The following VPS41 variants were observed in gnomAD, a reference collection of about 807,000 sequenced individuals.
VPS41 encodes the protein vacuolar protein sorting-associated protein 41 homolog.
Under a neutral mutation model 130.9 loss-of-function variants are expected in VPS41, and 85 were observed. The observed-to-expected ratio is 0.65, with a 90% confidence interval of 0.55 to 0.78. The LOEUF (loss-of-function observed/expected upper bound fraction) is 0.78. Ranked by LOEUF, VPS41 falls within the 30% of genes least tolerant of loss-of-function variation. The pLI is 0.00. For missense variants in VPS41, 874 were observed against 1,018.7 expected, an observed-to-expected ratio of 0.86 and a Z score of 1.93; for synonymous variants, 335 against 332.9, an observed-to-expected ratio of 1.01 and a Z score of -0.07.
rs1795494136 is a variant in VPS41, at chr7:38,724,326, T to C, written c.*1920A>G. ...ATTAATGTAAATGTAATAAACTGAA[T>C]CTGTAAATTGGTAATGTTGAAAAGA... On this transcript the variant is annotated 3_prime_UTR_variant, in exon 29 of 29. Coordinates refer to ENST00000310301, the MANE Select transcript of VPS41 (RefSeq NM_014396.4). The C allele has an allele frequency of 6.6e-6, 1 of 152,160 alleles. No individual in the cohort carries two copies. The highest frequency in any genetic ancestry group is 1.5e-5 in the Non-Finnish European group (1 of 68,038). The allele number at this position is 152,160 out of a possible 1,614,324, so 9.4% of individuals were successfully genotyped here.
intron 23 of VPS41, 96 bp from the exon 24 acceptor site, chr7:38,743,638 G>T: frequency 7.1e-7 from 1 of 1,413,716 alleles, no homozygotes. Context: ...TACATAGGTG[G>T]AAAGCTAAGA....
chr7:38,810,899 A>T (rs1032320264), intron 7 of VPS41, among the ~76,000 whole-genome samples: 1 of 152,150 alleles, frequency 6.6e-6, no homozygotes, highest in African/African-American at 2.4e-5. Flanking sequence ...GCTTTTCAAA[A>T]TTGTTCTGCC....
intron 6 of VPS41, among the ~76,000 whole-genome samples, chr7:38,819,115 C>T (rs560413443): frequency 7.2e-5 from 11 of 152,332 alleles, no homozygotes; most frequent in Non-Finnish European, 1.5e-4. Context: ...ATCTCCTCTG[C>T]TCCTCAAACA....
At chr7:38,879,986 G>C (rs2116376252) in intron 2 of VPS41, among the ~76,000 whole-genome samples, 1 of 151,446 alleles carries the variant, frequency 6.6e-6, no homozygotes, top group South Asian at 2.1e-4. Flanking sequence ...TTTTTCTTTT[G>C]CCATTTCTAC....
intron 4 of VPS41, among the ~76,000 whole-genome samples, chr7:38,860,337 T>C (rs1786078657): frequency 6.6e-6 from 1 of 152,156 alleles, no homozygotes; most frequent in Non-Finnish European, 1.5e-5. Context: ...TAGAATAAAG[T>C]ACAAAGATCT....
chr7:38,770,620 C>T (rs1784136381), intron 14 of VPS41, among the ~76,000 whole-genome samples: 2 of 152,138 alleles, frequency 1.3e-5, no homozygotes, highest in Non-Finnish European at 2.9e-5. Flanking sequence ...CAGTTTTCAC[C>T]TGTAAAAAAG....
chr7:38,803,837 T>C (rs548630213), intron 7 of VPS41, among the ~76,000 whole-genome samples: 1 of 152,358 alleles, frequency 6.6e-6, no homozygotes, highest in East Asian at 1.9e-4. Context: ...GTCTTTGTTT[T>C]GCTTCGTGCT....
chr7:38,859,456 C>G (rs1175545910), intron 4 of VPS41, among the ~76,000 whole-genome samples: 1 of 152,076 alleles, frequency 6.6e-6, no homozygotes. Flanking sequence ...TGATAAGTCT[C>G]CTGTACAGAT....
In VPS41 at chr7:38,743,529, A is replaced by C; in HGVS notation, c.1995T>G (p.Asn665Lys). ...ETVYLLSRMG[N>K]SRSALKMIME... ...TAATCATCTTCAGGGCACTTCGGCTATTACCCATTCGGCCTTGGTGGGGTG... is the reference window on the plus strand; with the variant it reads ...TAATCATCTTCAGGGCACTTCGGCTCTTACCCATTCGGCCTTGGTGGGGTG... Residue 665 changes from asparagine to lysine, a missense_variant, in exon 24 of 29, where the codon AAT becomes AAG. Asn to Lys is a moderately conservative substitution (Grantham distance 94). Coordinates refer to ENST00000310301, the MANE Select transcript of VPS41 (RefSeq NM_014396.4). 1 of 1,613,804 alleles carries C rather than the reference A, an allele frequency of 6.2e-7. No individual in the cohort carries two copies. Among genetic ancestry groups the C allele is most frequent in the Non-Finnish European group, 8.5e-7 (1 of 1,179,804 alleles).
At chr7:38,779,182 G>A (rs573341007) in intron 10 of VPS41, among the ~76,000 whole-genome samples, 5 of 152,244 alleles carry the variant, frequency 3.3e-5, no homozygotes, top group South Asian at 2.1e-4. Context: ...ATTTGGACAC[G>A]GACTATATGC....
At chr7:38,818,147 A>T (rs950754705) in intron 6 of VPS41, among the ~76,000 whole-genome samples, 2 of 151,966 alleles carry the variant, frequency 1.3e-5, no homozygotes, top group African/African-American at 2.4e-5. Flanking sequence ...CTATAAGTGG[A>T]TGTCACCTGT....
chr7:38,774,638 AT>A (rs1784222610), intron 11 of VPS41, among the ~76,000 whole-genome samples: 1 of 152,196 alleles, frequency 6.6e-6, no homozygotes, highest in African/African-American at 2.4e-5. Context: ...ATAAAAAAAT[AT>A]TTTGAACAAA....
intron 5 of VPS41, among the ~76,000 whole-genome samples, chr7:38,825,771 T>C (rs1211756552): frequency 6.6e-6 from 1 of 152,202 alleles, no homozygotes; most frequent in East Asian, 1.9e-4. Context: ...AAGTATGTGG[T>C]ACATGTTTTG....
At chr7:38,809,921 TAA>T (rs5883662) in intron 7 of VPS41, among the ~76,000 whole-genome samples, 6 of 148,072 alleles carry the variant, frequency 4.1e-5, no homozygotes, top group African/African-American at 1.2e-4. Context: ...GCTGGACAAT[TAA>T]AAAAAAAAAT....
At chr7:38,846,727 A>G (rs1310115564) in intron 4 of VPS41, among the ~76,000 whole-genome samples, 2 of 152,206 alleles carry the variant, frequency 1.3e-5, no homozygotes, top group African/African-American at 4.8e-5. Flanking sequence ...TTTTACTGCA[A>G]TAACCCAGGT....
chr7:38,764,263 A>C (rs1353077045), intron 16 of VPS41, among the ~76,000 whole-genome samples: 1 of 152,208 alleles, frequency 6.6e-6, no homozygotes, highest in Non-Finnish European at 1.5e-5. Flanking sequence ...TCAGGAAAAA[A>C]TAAGAGAGGG....
intron 1 of VPS41, among the ~76,000 whole-genome samples, chr7:38,901,055 A>C (rs533951673): frequency 1.3e-5 from 2 of 152,208 alleles, no homozygotes; most frequent in African/African-American, 4.8e-5. Flanking sequence ...TCACACTCTC[A>C]TTTAAAGAAT....
intron 8 of VPS41, among the ~76,000 whole-genome samples, chr7:38,796,217 G>C (rs1232247426): frequency 6.6e-6 from 1 of 152,172 alleles, no homozygotes; most frequent in Non-Finnish European, 1.5e-5. Flanking sequence ...CAAAAGATAT[G>C]CCAGATGTCA....
chr7:38,907,974 G>A (rs546054529), intron 1 of VPS41, among the ~76,000 whole-genome samples: 2 of 152,294 alleles, frequency 1.3e-5, no homozygotes, highest in African/African-American at 4.8e-5. Flanking sequence ...TGTTAGATAA[G>A]AGACTTTGTT....
Sources: gnomAD v4.1 joint callset for allele counts (sites outside exome capture counted in the v4.1 genomes callset) on GRCh38, gnomAD v4.1.1 for gene constraint, MANE v1.5 for transcripts, NCBI Gene and HGNC (gene_info 2026-07-23, HGNC 2026-07-21) for gene names.